The following SHOC2 variants were observed in gnomAD, a reference collection of about 807,000 sequenced individuals.
SHOC2 encodes the protein leucine-rich repeat protein SHOC-2.
A neutral mutation model predicts 50.2 loss-of-function variants in SHOC2; 4 were observed. The observed-to-expected ratio is 0.08, with a 90% CI of 0.04 to 0.18. SHOC2 has a LOEUF of 0.18. SHOC2 is among the 10% of genes least tolerant of loss of function. SHOC2 has a pLI of 1.00. For synonymous variants in SHOC2, 218 were observed against 244.5 expected (o/e 0.89, Z 1.01); for missense variants, 388 against 669.6 (o/e 0.58, Z 4.64).
intron 4 of SHOC2, 70 bp from the exon 5 acceptor site, chr10:111,004,536 G>T (rs1161659440): frequency 5.3e-6 from 6 of 1,138,502 alleles, no homozygotes; most frequent in Non-Finnish European, 8.0e-6. Flanking sequence ...TTTGTGTTGG[G>T]ACTGCTGTTC....
intron 3 of SHOC2, among the ~76,000 whole-genome samples, chr10:110,986,842 C>G (rs936109360): frequency 6.6e-6 from 1 of 152,150 alleles, no homozygotes; most frequent in African/African-American, 2.4e-5. Flanking sequence ...TTATCTTTCT[C>G]CAGAAGAGTT....
intron 1 of SHOC2, chr10:110,920,156 C>T (rs929341395): frequency 9.2e-5 from 14 of 152,320 alleles, no homozygotes; most frequent in African/African-American, 3.4e-4. Flanking sequence ...GGTGGGGTCT[C>T]TTCTCGCCCC....
intron 3 of SHOC2, chr10:110,988,936 G>C (rs1265712053): frequency 4.0e-6 from 2 of 495,536 alleles, no homozygotes; most frequent in African/African-American, 3.9e-5. Flanking sequence ...TTATTAGGTT[G>C]GTACAAAAGC....
intron 2 of SHOC2, among the ~76,000 whole-genome samples, chr10:110,982,320 G>A (rs971206496): frequency 8.6e-5 from 13 of 151,150 alleles, no homozygotes; most frequent in Admixed American, 4.0e-4. Context: ...AAACATACGT[G>A]TGCATGTGTC....
At chr10:110,950,415 A>G (rs1353878642) in intron 1 of SHOC2, among the ~76,000 whole-genome samples, 1 of 152,182 alleles carries the variant, frequency 6.6e-6, no homozygotes, top group Non-Finnish European at 1.5e-5. Context: ...TTTGAATTTG[A>G]AGAATTAATA....
chr10:110,936,701 C>T (rs769455410), intron 1 of SHOC2: 45 of 939,292 alleles, frequency 4.8e-5, no homozygotes, highest in Non-Finnish European at 7.0e-5. Flanking sequence ...GGCCTGTTTC[C>T]GTAGGCTTAT....
At chr10:110,920,028 G>A (rs1846589001) in intron 1 of SHOC2, 1 of 149,292 alleles carries the variant, frequency 6.7e-6, no homozygotes, top group South Asian at 1.9e-4. Flanking sequence ...GCGGGCCGGG[G>A]GCCCCCGGCG....
chr10:110,921,069 T>TA (rs1479842852), intron 1 of SHOC2, among the ~76,000 whole-genome samples: 2 of 152,240 alleles, frequency 1.3e-5, no homozygotes, highest in Admixed American at 6.5e-5. Flanking sequence ...TTAGTGTACT[T>TA]ACTAATCTTT....
At chr10:110,997,700 G>A (rs886684593) in intron 3 of SHOC2, among the ~76,000 whole-genome samples, 13 of 151,936 alleles carry the variant, frequency 8.6e-5, no homozygotes, top group Admixed American at 2.6e-4. Context: ...AGTATCTTAC[G>A]CACGTTATAT....
intron 1 of SHOC2, among the ~76,000 whole-genome samples, chr10:110,951,354 C>G (rs901441720): frequency 6.6e-6 from 1 of 152,062 alleles, no homozygotes; most frequent in Non-Finnish European, 1.5e-5. Context: ...TAGATGTCAC[C>G]TCATACCTAT....
chr10:110,925,388 G>A (rs1480867712), intron 1 of SHOC2, among the ~76,000 whole-genome samples: 4 of 152,054 alleles, frequency 2.6e-5, no homozygotes, highest in African/African-American at 9.7e-5. Flanking sequence ...TTTTCACGCA[G>A]TATTTTTTGG....
In SHOC2 at chr10:110,964,376, A is replaced by AAAAGAAAAAGACTCT. The variant is rs1177569533; in HGVS notation, c.30_44dup (p.Ser11_Asp15dup). The AAAAGAAAAAGACTCT allele has an allele frequency of 1.9e-6, 3 of 1,613,260 alleles. No homozygotes were observed. The highest frequency in any genetic ancestry group is 2.5e-6 in the Non-Finnish European group (3 of 1,179,802). On this transcript the variant is annotated inframe_insertion, in exon 2 of 9. Coordinates refer to ENST00000369452, the MANE Select transcript of SHOC2 (RefSeq NM_007373.4). The surrounding 1 kb of genome is among the most constrained non-coding windows in gnomAD (Gnocchi z 4.9). ...GAGTCACCATGAGTAGTAGTTTAGG[A>AAAAGAAAAAGACTCT]AAAGAAAAAGACTCTAAAGAAAAAG...
chr10:110,982,613 T>G (rs1022571460), intron 2 of SHOC2, among the ~76,000 whole-genome samples: 3 of 151,788 alleles, frequency 2.0e-5, no homozygotes, highest in Admixed American at 2.0e-4. Context: ...CCAGTGATGA[T>G]GAGCATTTTT....
intron 2 of SHOC2, among the ~76,000 whole-genome samples, chr10:110,971,322 A>G (rs558004687): frequency 3.7e-4 from 57 of 152,136 alleles, no homozygotes; most frequent in African/African-American, 7.5e-4. Context: ...CCTTTCTTCA[A>G]TGTATATTGT....
chr10:110,939,216 A>G lies in SHOC2; in HGVS notation c.-235+19559A>G, dbSNP rs114639318. On this transcript the variant is annotated intron_variant, in intron 1 of 8. Coordinates refer to ENST00000369452, the MANE Select transcript of SHOC2 (RefSeq NM_007373.4). ...TTTTTTTTACTGCCTTAAAAATTTT[A>G]TTTTATTTATTTATTTTTTTGAGAC... is the stretch of plus-strand genomic sequence containing the variant. 5.2e-3 allele frequency among the ~76,000 whole-genome samples: 787 copies of G among 151,726 alleles called. 7 individuals are homozygous for G. The highest frequency in any genetic ancestry group is 0.018 in the African/African-American group (754 of 41,336).
At chr10:110,948,044 GCAAAT>G (rs533084931) in intron 1 of SHOC2, among the ~76,000 whole-genome samples, 33 of 152,180 alleles carry the variant, frequency 2.2e-4, no homozygotes, top group African/African-American at 6.7e-4. Context: ...GATATTTCAC[GCAAAT>G]GGTAACCAGA....
chr10:110,934,866 G>A (rs751770930), intron 1 of SHOC2, among the ~76,000 whole-genome samples: 1 of 152,018 alleles, frequency 6.6e-6, no homozygotes, highest in Non-Finnish European at 1.5e-5. Context: ...AGTAGTTTTT[G>A]TCTAGTCCAT....
chr10:110,943,776 A>G (rs1682892785), intron 1 of SHOC2, among the ~76,000 whole-genome samples: 1 of 152,226 alleles, frequency 6.6e-6, no homozygotes, highest in South Asian at 2.1e-4. Flanking sequence ...CTATTTTCTT[A>G]TATCTAAACA....
At chr10:110,992,099 A>C (rs545457456) in intron 3 of SHOC2, among the ~76,000 whole-genome samples, 1 of 152,118 alleles carries the variant, frequency 6.6e-6, no homozygotes, top group African/African-American at 2.4e-5. Context: ...AGTAGACCAG[A>C]ATGTTTTTTA....
Sources: allele counts gnomAD v4.1 joint callset (sites outside exome capture counted in the v4.1 genomes callset), GRCh38; gene constraint gnomAD v4.1.1; non-coding constraint Gnocchi (gnomAD v3.1); transcripts MANE v1.5; gene names NCBI Gene and HGNC (gene_info 2026-07-23, HGNC 2026-07-21).